Variants in GRIK2 observed in about 807,000 individuals in gnomAD.
GRIK2 encodes the protein glutamate ionotropic receptor kainate type subunit 2, also known as glutamate receptor ionotropic, kainate 2.
Under a neutral mutation model 100.3 loss-of-function variants are expected in GRIK2, and 32 were observed. That is an observed-to-expected ratio of 0.32 (90% CI 0.24 to 0.43). The LOEUF (loss-of-function observed/expected upper bound fraction) is 0.43, where lower values mean the gene tolerates loss of function less well. Among genes scored for constraint, GRIK2 ranks in the 20% least tolerant of loss-of-function variants. The pLI is 1.00. For synonymous variants in GRIK2, 417 were observed against 389.4 expected, an observed-to-expected ratio of 1.07 and a Z score of -0.83; for missense variants, 843 against 1,114.9, an observed-to-expected ratio of 0.76 and a Z score of 3.47.
At position 101,924,564 on chromosome 6, in the gene GRIK2, A is replaced by G. The variant is rs528042314; in HGVS notation, c.1749-37A>G. On this transcript the variant is annotated intron_variant, in intron 12 of 16. Coordinates refer to ENST00000369134, the MANE Select transcript of GRIK2 (RefSeq NM_021956.5). Reference sequence around the variant, plus strand: ...GCTGGATAGAATTTCTTCCCACTGCAATTTAAATGTATTCTTTTTTCTGTC... The same window carrying G: ...GCTGGATAGAATTTCTTCCCACTGCGATTTAAATGTATTCTTTTTTCTGTC... 5.4e-5 allele frequency: 56 copies of G among 1,039,892 alleles called. No homozygotes were observed. In the South Asian group the frequency reaches 7.0e-4, roughly 13 times the overall value. The allele number at this position is 1,039,892 out of a possible 1,614,324, so 64.4% of individuals were successfully genotyped here.
intron 7 of GRIK2, among the ~76,000 whole-genome samples, chr6:101,731,635 T>C (rs1486553815): frequency 1.3e-5 from 2 of 151,948 alleles, no homozygotes; most frequent in African/African-American, 4.8e-5. Flanking sequence ...AATGAACACA[T>C]TTTAAATGTT....
At chr6:101,741,534 A>G (rs1197618496) in intron 7 of GRIK2, among the ~76,000 whole-genome samples, 1 of 152,198 alleles carries the variant, frequency 6.6e-6, no homozygotes, top group African/African-American at 2.4e-5. Context: ...AACATTTTAT[A>G]TACCATTTTA....
chr6:101,469,111 A>C (rs1311297296), intron 2 of GRIK2, among the ~76,000 whole-genome samples: 2 of 152,178 alleles, frequency 1.3e-5, no homozygotes, highest in African/African-American at 4.8e-5. Context: ...GTATTCTTTA[A>C]TATCCACCAA....
At chr6:101,833,161 C>A (rs530362308) in intron 10 of GRIK2, among the ~76,000 whole-genome samples, 1 of 135,740 alleles carries the variant, frequency 7.4e-6, no homozygotes, top group East Asian at 3.1e-4. Flanking sequence ...ATTAATTGTT[C>A]ATTAATTATA....
intron 7 of GRIK2, among the ~76,000 whole-genome samples, chr6:101,732,218 ATGTCT>A (rs1419215324): frequency 1.3e-4 from 20 of 152,112 alleles, no homozygotes; most frequent in Non-Finnish European, 1.8e-4. Context: ...CTTTGGGATG[ATGTCT>A]TGTCTTTGTT....
At position 101,586,873 on chromosome 6, in the gene GRIK2, G is replaced by C. The variant is rs544301079; in HGVS notation, c.116-35076G>C. Among the ~76,000 whole-genome samples, 6 of 115,360 alleles carry C rather than the reference G, an allele frequency of 5.2e-5. No homozygotes were observed. The East Asian group carries it at 1.3e-3, about 25-fold the overall frequency. The allele number at this position is 115,360 out of a possible 152,430, so 75.7% of individuals were successfully genotyped here. A position where few individuals can be genotyped will look rare whatever the true frequency, so the allele number is the denominator to read the frequency against. On this transcript the variant is annotated intron_variant, in intron 2 of 16. Transcript: ENST00000369134. ...CTACTGCACTATAGTCTGGGCAAAAGAGCAAGTCTCTGTCTTAACAAAAAA... is the reference window on the plus strand; with the variant it reads ...CTACTGCACTATAGTCTGGGCAAAACAGCAAGTCTCTGTCTTAACAAAAAA...
intron 4 of GRIK2, among the ~76,000 whole-genome samples, chr6:101,660,811 G>A (rs1172894221): frequency 6.6e-6 from 1 of 152,140 alleles, no homozygotes; most frequent in Non-Finnish European, 1.5e-5. Context: ...GGAGGCTGCA[G>A]AACAGTAAAG....
chr6:101,595,624 A>G (rs1778880768), intron 2 of GRIK2, among the ~76,000 whole-genome samples: 1 of 151,190 alleles, frequency 6.6e-6, no homozygotes, highest in Non-Finnish European at 1.5e-5. Context: ...ACACATGTGT[A>G]TGCATACACA....
At chr6:101,410,391 T>C (rs1303710964) in intron 2 of GRIK2, among the ~76,000 whole-genome samples, 1 of 152,128 alleles carries the variant, frequency 6.6e-6, no homozygotes, top group Non-Finnish European at 1.5e-5. Context: ...TATGGGACTT[T>C]CCAGTTGTTA....
At chr6:101,558,292 G>A (rs182598672) in intron 2 of GRIK2, among the ~76,000 whole-genome samples, 89 of 152,228 alleles carry the variant, frequency 5.8e-4, no homozygotes, top group African/African-American at 2.0e-3. Flanking sequence ...GCTAAGGCCC[G>A]CATATGCCAA....
At chr6:101,771,037 G>T (rs1268891453) in intron 7 of GRIK2, among the ~76,000 whole-genome samples, 4 of 151,854 alleles carry the variant, frequency 2.6e-5, no homozygotes, top group African/African-American at 7.3e-5. Context: ...ATTATTTATG[G>T]TTTGATTTTA....
In GRIK2 at chr6:101,464,586, G is replaced by C. The variant is rs552159371; in HGVS notation, c.115+65194G>C. Among the ~76,000 whole-genome samples, 238 of 125,856 alleles carry C rather than the reference G, an allele frequency of 1.9e-3. 1 individual carries two copies. The highest frequency in any genetic ancestry group is 2.8e-3 in the Admixed American group (27 of 9,626). The allele number at this position is 125,856 out of a possible 152,430, so 82.6% of individuals were successfully genotyped here. A position where few individuals can be genotyped will look rare whatever the true frequency, so the allele number is the denominator to read the frequency against. On this transcript the variant is annotated intron_variant, in intron 2 of 16. Transcript: ENST00000369134. Reference sequence around the variant, plus strand: ...GGCTGGAGTGCAGTGGCACCATCTCGGCTCGCTGCAAGCTCCGCCTCTCGG... The same window carrying C: ...GGCTGGAGTGCAGTGGCACCATCTCCGCTCGCTGCAAGCTCCGCCTCTCGG...
chr6:101,586,493 C>T (rs1778370132), intron 2 of GRIK2, among the ~76,000 whole-genome samples: 1 of 152,006 alleles, frequency 6.6e-6, no homozygotes, highest in African/African-American at 2.4e-5. Context: ...TCCAAGCTAC[C>T]TGGAAGTAGA....
intron 12 of GRIK2, among the ~76,000 whole-genome samples, chr6:101,901,011 G>GATT (rs111254981): frequency 1.2e-3 from 176 of 151,662 alleles, no homozygotes; most frequent in African/African-American, 4.1e-3. Flanking sequence ...GTTAATTCTG[G>GATT]ATTTACTGCT....
At chr6:102,023,891 T>TA (rs1242579633) in intron 14 of GRIK2, among the ~76,000 whole-genome samples, 2 of 151,338 alleles carry the variant, frequency 1.3e-5, no homozygotes, top group African/African-American at 4.8e-5. Flanking sequence ...CTGAACATGG[T>TA]ATAATATAAA....
intron 2 of GRIK2, among the ~76,000 whole-genome samples, chr6:101,486,716 A>T (rs1463607503): frequency 1.7e-5 from 2 of 116,796 alleles, no homozygotes; most frequent in East Asian, 4.2e-4. Context: ...TGTTAGATAT[A>T]TAATAATCAA....
intron 10 of GRIK2, among the ~76,000 whole-genome samples, chr6:101,826,549 A>G (rs1782344356): frequency 6.6e-6 from 1 of 152,064 alleles, no homozygotes; most frequent in African/African-American, 2.4e-5. Flanking sequence ...AATAAATTAG[A>G]TTCAGAGATG....
intron 2 of GRIK2, among the ~76,000 whole-genome samples, chr6:101,443,858 T>C (rs1359866347): frequency 6.6e-6 from 1 of 151,904 alleles, no homozygotes; most frequent in Non-Finnish European, 1.5e-5. Flanking sequence ...ATTTTTACTT[T>C]ATTCTTATTT....
chr6:101,790,818 C>T (rs1190869730), intron 7 of GRIK2, among the ~76,000 whole-genome samples: 18 of 151,424 alleles, frequency 1.2e-4, no homozygotes, highest in Non-Finnish European at 2.5e-4. Context: ...TAGAATTCGG[C>T]TGTGAATCCA....
Sources: gnomAD v4.1 joint callset for allele counts (sites outside exome capture counted in the v4.1 genomes callset) on GRCh38, gnomAD v4.1.1 for gene constraint, MANE v1.5 for transcripts, NCBI Gene and HGNC (gene_info 2026-07-23, HGNC 2026-07-21) for gene names.